Variants in UGT1A6 observed in about 807,000 individuals in gnomAD.
The protein encoded by UGT1A6 is UDP-glucuronosyltransferase 1A6.
A neutral mutation model predicts 44.4 loss-of-function variants in UGT1A6; 32 were observed. The observed-to-expected ratio is 0.72, with a 90% CI of 0.54 to 0.97. The LOEUF is 0.97. Ranked by LOEUF, UGT1A6 falls within the 50% of genes least tolerant of loss-of-function variation. UGT1A6 has a pLI of 0.00. For missense variants in UGT1A6, 685 were observed against 661.9 expected, an observed-to-expected ratio of 1.03 and a Z score of -0.38; for synonymous variants, 238 against 248.5, an observed-to-expected ratio of 0.96 and a Z score of 0.40.
At chr2:233,743,677 G>A (rs1026564745) in intron 1 of UGT1A6, 2 of 1,367,100 alleles carry the variant, frequency 1.5e-6, no homozygotes, top group African/African-American at 1.5e-5. Flanking sequence ...CGAAGGGCCT[G>A]CCGCCTGTGC....
At chr2:233,709,460 A>G (rs1297952220) in intron 1 of UGT1A6, among the ~76,000 whole-genome samples, 3 of 152,134 alleles carry the variant, frequency 2.0e-5, no homozygotes, top group African/African-American at 7.2e-5. Context: ...TAAAGCAATC[A>G]TTTTGGGGCT....
intron 1 of UGT1A6, among the ~76,000 whole-genome samples, chr2:233,730,806 G>A (rs374048907): frequency 3.9e-5 from 6 of 152,118 alleles, no homozygotes; most frequent in Admixed American, 6.5e-5. Context: ...ATGGACATGC[G>A]TCCAAGAAGG....
rs144956531 is a variant in UGT1A6, at chr2:233,704,021, G to A, written c.861+10156G>A. Among the ~76,000 whole-genome samples the A allele has an allele frequency of 2.1e-3, 322 of 152,060 alleles. 1 individual carries two copies. The highest frequency in any genetic ancestry group is 7.3e-3 in the African/African-American group (305 of 41,502). ...TTCTCCCACCTCAGCCGCCCGAGCA[G>A]CTGGAACTACAGGTGTGCACCAACA... is the stretch of plus-strand genomic sequence containing the variant. On this transcript the variant is annotated intron_variant, in intron 1 of 4. Transcript: ENST00000305139.
At chr2:233,742,446 G>A (rs1691980531) in intron 1 of UGT1A6, among the ~76,000 whole-genome samples, 1 of 151,938 alleles carries the variant, frequency 6.6e-6, no homozygotes, top group South Asian at 2.1e-4. Flanking sequence ...GGTGGGCCAG[G>A]TGTTCCTTGC....
chr2:233,760,275 G>C (rs2125981686), intron 1 of UGT1A6: 1 of 1,612,542 alleles, frequency 6.2e-7, no homozygotes, highest in African/African-American at 1.3e-5. Context: ...CCTCTGGCAG[G>C]AGCAAAGGCG....
chr2:233,769,487 TTA>T lies in UGT1A6; in HGVS notation c.1301+1050_1301+1051del. On this transcript the variant is annotated intron_variant, in intron 4 of 4. Coordinates refer to ENST00000305139, the MANE Select transcript of UGT1A6 (RefSeq NM_001072.4). This position sits in a 1 kb window ranked among gnomAD's most constrained non-coding sequence, Gnocchi z 4.4. ...TGCGTGTGTGTGTGTGTGCGTGTGT[TTA>T]TGAGAGTGTCCATTGCTTTCTCCCA... The T allele has an allele frequency of 1.2e-6, 2 of 1,612,452 alleles. No individual in the cohort carries two copies. The highest frequency in any genetic ancestry group is 1.7e-6 in the Non-Finnish European group (2 of 1,179,688).
intron 1 of UGT1A6, chr2:233,747,790 A>G (rs1394158635): frequency 2.0e-5 from 32 of 1,613,372 alleles, no homozygotes; most frequent in Non-Finnish European, 2.6e-5. Flanking sequence ...CCTTCCTCCT[A>G]TATTCCTAAG....
chr2:233,762,199 A>G (rs532806601), intron 1 of UGT1A6, among the ~76,000 whole-genome samples: 7 of 152,296 alleles, frequency 4.6e-5, no homozygotes, highest in Admixed American at 6.5e-5. Context: ...ATGGGTCTGC[A>G]TGTATTTGGC....
In UGT1A6 at chr2:233,718,993, C is replaced by A. The variant is rs141408391; in HGVS notation, c.861+25128C>A. 181 of 1,614,090 alleles carry A rather than the reference C, an allele frequency of 1.1e-4. 1 individual carries two copies. Among genetic ancestry groups the A allele is most frequent in the Non-Finnish European group, 1.5e-4 (178 of 1,180,054 alleles). On this transcript the variant is annotated intron_variant, in intron 1 of 4. Transcript: ENST00000305139. ...GAGCTCCATGCCAGAGGCCACCAGGCGGTGGTCCTCACCCCAGAGGTGAAT... is the reference window on the plus strand; with the variant it reads ...GAGCTCCATGCCAGAGGCCACCAGGAGGTGGTCCTCACCCCAGAGGTGAAT...
rs138181984 is a variant in UGT1A6, at chr2:233,711,092, G to T, written c.861+17227G>T. On this transcript the variant is annotated intron_variant, in intron 1 of 4. Coordinates refer to ENST00000305139, the MANE Select transcript of UGT1A6 (RefSeq NM_001072.4). Reference sequence around the variant, plus strand: ...TATGCTGATGGCTCCAAGTCTATCTGTGCAGCCCAGACCCCTCCTCATCTC... The same window carrying T: ...TATGCTGATGGCTCCAAGTCTATCTTTGCAGCCCAGACCCCTCCTCATCTC... 8.3e-3 allele frequency among the ~76,000 whole-genome samples: 1,267 copies of T among 152,246 alleles called. 13 individuals carry two copies. The highest frequency in any genetic ancestry group is 0.028 in the African/African-American group (1,149 of 41,524).
chr2:233,697,324 A>C (rs2075384832), intron 1 of UGT1A6, among the ~76,000 whole-genome samples: 1 of 151,942 alleles, frequency 6.6e-6, no homozygotes, highest in African/African-American at 2.4e-5. Flanking sequence ...TTGTGTTTGG[A>C]AATGTATCCA....
intron 1 of UGT1A6, among the ~76,000 whole-genome samples, chr2:233,709,465 G>T (rs891183969): frequency 1.3e-5 from 2 of 152,060 alleles, no homozygotes; most frequent in African/African-American, 4.8e-5. Flanking sequence ...CAATCATTTT[G>T]GGGCTTATAA....
chr2:233,701,567 A>T (rs2075636367), intron 1 of UGT1A6, among the ~76,000 whole-genome samples: 1 of 152,072 alleles, frequency 6.6e-6, no homozygotes. Flanking sequence ...CACCACACCT[A>T]CTCCAAAATT....
intron 1 of UGT1A6, chr2:233,761,049 G>A (rs1344319848): frequency 1.2e-6 from 2 of 1,614,174 alleles, no homozygotes; most frequent in Non-Finnish European, 1.7e-6. Flanking sequence ...CATCTGTCTG[G>A]CTGTTTAGAA....
chr2:233,754,301 G>C (rs576538259), intron 1 of UGT1A6: 100 of 236,450 alleles, frequency 4.2e-4, no homozygotes, highest in African/African-American at 2.0e-3. Flanking sequence ...CTAGCACTAG[G>C]AAATAATCAT....
chr2:233,692,752 G>A, upstream of UGT1A6: 8 of 1,127,222 alleles, frequency 7.1e-6, no homozygotes, highest in Non-Finnish European at 9.3e-6. Flanking sequence ...AAGCAGACTT[G>A]TGGAGCTGAA....
intron 4 of UGT1A6, chr2:233,771,308 TC>T (rs1375108743): frequency 6.6e-6 from 1 of 152,198 alleles, no homozygotes; most frequent in African/African-American, 2.4e-5. Context: ...CTCCTCCTTT[TC>T]CCTCTCCTCT....
intron 1 of UGT1A6, among the ~76,000 whole-genome samples, chr2:233,756,604 C>T (rs914908855): frequency 6.6e-6 from 1 of 152,112 alleles, no homozygotes; most frequent in South Asian, 2.1e-4. Flanking sequence ...TGTATCGAAA[C>T]CATTAAGACT....
intron 1 of UGT1A6, among the ~76,000 whole-genome samples, chr2:233,764,057 C>T (rs1242895801): frequency 1.3e-5 from 2 of 152,096 alleles, no homozygotes; most frequent in African/African-American, 4.8e-5. Context: ...AAATGAAATG[C>T]ATTTGGGAAG....
Sources: allele counts gnomAD v4.1 joint callset (sites outside exome capture counted in the v4.1 genomes callset), GRCh38; gene constraint gnomAD v4.1.1; non-coding constraint Gnocchi (gnomAD v3.1); transcripts MANE v1.5; gene names NCBI Gene and HGNC (gene_info 2026-07-23, HGNC 2026-07-21).